PTPRM: variants seen among roughly 807,000 people sequenced by gnomAD.
PTPRM encodes protein tyrosine phosphatase receptor type M.
Under a neutral mutation model 186.7 loss-of-function variants are expected in PTPRM, and 47 were observed. That is an observed-to-expected ratio of 0.25 (90% CI 0.20 to 0.32). The LOEUF is 0.32. PTPRM is among the 10% of genes least tolerant of loss of function. The pLI is 1.00. For synonymous variants in PTPRM, 668 were observed against 674.9 expected, an observed-to-expected ratio of 0.99 and a Z score of 0.16; for missense variants, 1,494 against 1,865.0, an observed-to-expected ratio of 0.80 and a Z score of 3.66.
intron 14 of PTPRM, among the ~76,000 whole-genome samples, chr18:8,231,995 A>G (rs569973465): frequency 6.6e-6 from 1 of 152,346 alleles, no homozygotes; most frequent in Admixed American, 6.5e-5. Context: ...TGACAACTCT[A>G]TAATGACAGG....
intron 2 of PTPRM, among the ~76,000 whole-genome samples, chr18:7,835,524 T>C (rs1458413541): frequency 3.9e-5 from 6 of 152,152 alleles, no homozygotes; most frequent in Admixed American, 3.9e-4. Context: ...GAATGATCCA[T>C]GTGCTGAGGA....
At chr18:8,359,409 G>A (rs2017988) in intron 23 of PTPRM, among the ~76,000 whole-genome samples, 35,065 of 152,250 alleles carry the variant, frequency 0.23, 4,798 homozygotes, top group Non-Finnish European at 0.31. Flanking sequence ...TCACCCCTGC[G>A]GAGCCCTGTC....
At chr18:7,934,738 G>T (rs1479756416) in intron 5 of PTPRM, among the ~76,000 whole-genome samples, 2 of 152,122 alleles carry the variant, frequency 1.3e-5, no homozygotes, top group Admixed American at 1.3e-4. Context: ...AGAAGAAGCG[G>T]CTGAGGCTTC....
At chr18:8,206,200 G>C (rs916456576) in intron 14 of PTPRM, among the ~76,000 whole-genome samples, 1 of 152,034 alleles carries the variant, frequency 6.6e-6, no homozygotes, top group Non-Finnish European at 1.5e-5. Flanking sequence ...AGTGAGATGA[G>C]GGGGAGAGAG....
At chr18:7,658,983 C>T (rs73939327) in intron 1 of PTPRM, among the ~76,000 whole-genome samples, 2,572 of 152,144 alleles carry the variant, frequency 0.017, 78 homozygotes, top group African/African-American at 0.059. Context: ...GTGCATCTGC[C>T]TGAAGCTCTC....
At chr18:7,584,882 G>T (rs548953912) in intron 1 of PTPRM, among the ~76,000 whole-genome samples, 1 of 152,356 alleles carries the variant, frequency 6.6e-6, no homozygotes, top group East Asian at 1.9e-4. Context: ...AGCCAGGCCT[G>T]TGCTGAGCAT....
chr18:8,289,494 ATG>A (rs1352317994), intron 19 of PTPRM, among the ~76,000 whole-genome samples: 12 of 140,416 alleles, frequency 8.5e-5, no homozygotes, highest in East Asian at 8.0e-4. Context: ...ATATACATAT[ATG>A]TATATATGTG....
chr18:7,797,877 G>A (rs2043749413), intron 2 of PTPRM, among the ~76,000 whole-genome samples: 1 of 152,182 alleles, frequency 6.6e-6, no homozygotes, highest in African/African-American at 2.4e-5. Flanking sequence ...AGCACTGGTG[G>A]ACATTCCTTC....
At chr18:7,997,063 C>G (rs2083582423) in intron 7 of PTPRM, among the ~76,000 whole-genome samples, 1 of 152,054 alleles carries the variant, frequency 6.6e-6, no homozygotes, top group East Asian at 1.9e-4. Flanking sequence ...TATGGAACCA[C>G]AGAAAATCCT....
intron 22 of PTPRM, among the ~76,000 whole-genome samples, chr18:8,328,107 CA>C (rs1481151746): frequency 6.6e-6 from 1 of 152,190 alleles, no homozygotes. Context: ...CTTTATTCCA[CA>C]TACTTCTGGT....
chr18:8,112,054 G>A (rs2145691492), intron 11 of PTPRM, among the ~76,000 whole-genome samples: 1 of 152,262 alleles, frequency 6.6e-6, no homozygotes, highest in Non-Finnish European at 1.5e-5. Context: ...ATCCACTAAT[G>A]TGGAGCATTT....
intron 1 of PTPRM, among the ~76,000 whole-genome samples, chr18:7,585,761 G>A (rs1480026806): frequency 8.5e-5 from 13 of 152,164 alleles, no homozygotes; most frequent in Admixed American, 8.5e-4. Context: ...CAGTGGCCAG[G>A]CCGCTTGTCA....
chr18:7,948,283 TAG>T (rs913091980), intron 5 of PTPRM, among the ~76,000 whole-genome samples: 1 of 151,244 alleles, frequency 6.6e-6, no homozygotes, highest in South Asian at 2.1e-4. Flanking sequence ...ATATTATATA[TAG>T]AGAGAGAGAG....
intron 19 of PTPRM, among the ~76,000 whole-genome samples, chr18:8,285,042 A>G (rs975162620): frequency 2.6e-5 from 4 of 152,142 alleles, no homozygotes; most frequent in African/African-American, 9.7e-5. Flanking sequence ...TGTGGAGTTT[A>G]TAGTCTGGGG....
chr18:7,806,807 A>C (rs1289014193), intron 2 of PTPRM, among the ~76,000 whole-genome samples: 1 of 152,214 alleles, frequency 6.6e-6, no homozygotes, highest in Non-Finnish European at 1.5e-5. Context: ...AGGGTAATAC[A>C]CCAGCTGGTA....
At position 7,628,795 on chromosome 18, in the gene PTPRM, A is replaced by G. The variant is rs199790439; in HGVS notation, c.73+60904A>G. On this transcript the variant is annotated intron_variant, in intron 1 of 32. Coordinates refer to ENST00000580170, the MANE Select transcript of PTPRM (RefSeq NM_001105244.2). The stretch of plus-strand genomic sequence containing the variant: ...GCTGGCTTCATGGAGCTCACATTCC[A>G]TTTGTGTACATTTCTATGGAACAGG... 7.2e-5 allele frequency among the ~76,000 whole-genome samples: 11 copies of G among 152,296 alleles called. No individual in the cohort carries two copies. The East Asian group carries it at 1.7e-3, about 24-fold the overall frequency.
chr18:7,850,080 C>G (rs2046790686), intron 2 of PTPRM, among the ~76,000 whole-genome samples: 1 of 152,180 alleles, frequency 6.6e-6, no homozygotes, highest in South Asian at 2.1e-4. Flanking sequence ...CAGAGTCTAA[C>G]AGCCAAGATT....
At chr18:8,343,588 T>C in intron 23 of PTPRM, 68 bp downstream of exon 23, 1 of 1,423,696 alleles carries the variant, frequency 7.0e-7, no homozygotes, top group Non-Finnish European at 9.9e-7. Flanking sequence ...AAGTAAGGCA[T>C]GAGGCAAGCT....
chr18:7,809,345 G>A (rs1364774874), intron 2 of PTPRM, among the ~76,000 whole-genome samples: 1 of 152,088 alleles, frequency 6.6e-6, no homozygotes, highest in Non-Finnish European at 1.5e-5. Flanking sequence ...TTCAGGAAGC[G>A]AGATTTAAAG....
Sources: allele counts gnomAD v4.1 joint callset (sites outside exome capture counted in the v4.1 genomes callset), GRCh38; gene constraint gnomAD v4.1.1; transcripts MANE v1.5; gene names NCBI Gene and HGNC (gene_info 2026-07-23, HGNC 2026-07-21).